Variants in CREB5 observed in about 807,000 individuals in gnomAD.
The protein encoded by CREB5 is cAMP responsive element binding protein 5.
A neutral mutation model predicts 57.1 loss-of-function variants in CREB5; 19 were observed. The observed-to-expected ratio is 0.33, with a 90% CI of 0.23 to 0.49. The LOEUF (loss-of-function observed/expected upper bound fraction) is 0.49. Ranked by LOEUF, CREB5 falls within the 20% of genes least tolerant of loss-of-function variation. The probability of loss-of-function intolerance (pLI) is 0.99; values close to 1 mark genes in which losing one functional copy is unlikely to be tolerated. For synonymous variants in CREB5, 238 were observed against 238.3 expected, an observed-to-expected ratio of 1.00 and a Z score of 0.01; for missense variants, 579 against 671.6, an observed-to-expected ratio of 0.86 and a Z score of 1.52.
chr7:28,465,244 T>C (rs535937622), intron 1 of CREB5, among the ~76,000 whole-genome samples: 90 of 152,294 alleles, frequency 5.9e-4, no homozygotes, highest in African/African-American at 2.0e-3. Flanking sequence ...CCCTCGAGGT[T>C]GCCTCAAACT....
intron 5 of CREB5, among the ~76,000 whole-genome samples, chr7:28,707,730 T>A (rs554129680): frequency 6.6e-6 from 1 of 152,366 alleles, no homozygotes; most frequent in South Asian, 2.1e-4. Context: ...TTACACTATT[T>A]GTTCTTGGGA....
At chr7:28,803,496 C>T (rs777242673) in intron 7 of CREB5, among the ~76,000 whole-genome samples, 1 of 152,170 alleles carries the variant, frequency 6.6e-6, no homozygotes, top group African/African-American at 2.4e-5. Context: ...CGGTGGCTCA[C>T]GCCTGTAATC....
intron 3 of CREB5, among the ~76,000 whole-genome samples, chr7:28,504,501 T>C (rs992288405): frequency 6.6e-6 from 1 of 152,222 alleles, no homozygotes; most frequent in African/African-American, 2.4e-5. Context: ...CCAAGACGAT[T>C]GTTTCAGGCC....
intron 9 of CREB5, among the ~76,000 whole-genome samples, chr7:28,815,063 G>A (rs540125199): frequency 5.3e-5 from 8 of 152,318 alleles, no homozygotes; most frequent in Non-Finnish European, 1.0e-4. Context: ...TTGAGGCCAG[G>A]AGTTCAAGAG....
intron 1 of CREB5, among the ~76,000 whole-genome samples, chr7:28,440,586 C>A (rs1400004779): frequency 6.6e-6 from 1 of 152,124 alleles, no homozygotes; most frequent in African/African-American, 2.4e-5. Context: ...GGTTTACTAG[C>A]TTTAGGACTG....
rs186624785 is a variant in CREB5, at chr7:28,417,375, A to G, written c.3+4458A>G. ...TCTCTTTTTTTTTTTTTGGTACTAA[A>G]TCTTTGAAATCCAGTGTGTATTTCA... On this transcript the variant is annotated intron_variant, in intron 1 of 10. Transcript: ENST00000357727. Among the ~76,000 whole-genome samples, 46 of 150,666 alleles carry G rather than the reference A, an allele frequency of 3.1e-4. 1 individual carries two copies. In the East Asian group the frequency reaches 7.4e-3, roughly 24 times the overall value.
rs1809835375 is a variant in CREB5 at position 28,822,509 on chromosome 7, A to C, written c.*3230A>C. On this transcript the variant is annotated 3_prime_UTR_variant, in exon 11 of 11. Coordinates refer to ENST00000357727, the MANE Select transcript of CREB5 (RefSeq NM_182898.4). ...AATCAATCATCACGGCCTGCAGAGC[A>C]CCTGTCCTAAGGAGGGAAAATCCTG... The C allele has an allele frequency of 6.6e-6, 1 of 152,592 alleles. No individual in the cohort carries two copies. Among genetic ancestry groups the C allele is most frequent in the Non-Finnish European group, 1.5e-5 (1 of 68,078 alleles). The allele number at this position is 152,592 out of a possible 1,614,324, so 9.5% of individuals were successfully genotyped here. A position where few individuals can be genotyped will look rare whatever the true frequency, so the allele number is the denominator to read the frequency against.
intron 7 of CREB5, among the ~76,000 whole-genome samples, chr7:28,790,449 AGAGAGAGAGAGATAG>A: frequency 2.5e-5 from 1 of 40,648 alleles, no homozygotes; most frequent in Admixed American, 2.1e-4. Context: ...AGAGAGAGAG[AGAGAGAGAGAGATAG>A]AGAGAGAGAG....
chr7:28,381,753 A>G (rs1289542384), intron 1 of CREB5, among the ~76,000 whole-genome samples: 1 of 152,218 alleles, frequency 6.6e-6, no homozygotes, highest in African/African-American at 2.4e-5. Context: ...TAAGTACAAA[A>G]TAGAACCATA....
chr7:28,626,200 G>A (rs150844691), intron 5 of CREB5, among the ~76,000 whole-genome samples: 1 of 152,122 alleles, frequency 6.6e-6, no homozygotes, highest in South Asian at 2.1e-4. Flanking sequence ...TTAAAAGATT[G>A]CTTCTTGTCA....
intron 7 of CREB5, among the ~76,000 whole-genome samples, chr7:28,803,425 T>C (rs1439936492): frequency 6.6e-6 from 1 of 152,186 alleles, no homozygotes; most frequent in Non-Finnish European, 1.5e-5. Flanking sequence ...CTGAGAAATA[T>C]TTTGAGAGGC....
intron 1 of CREB5, among the ~76,000 whole-genome samples, chr7:28,424,689 A>T (rs1461595246): frequency 6.6e-6 from 1 of 152,212 alleles, no homozygotes; most frequent in African/African-American, 2.4e-5. Flanking sequence ...GAAAGAATTA[A>T]ATACAACTAT....
chr7:28,747,945 A>G (rs1478240444), intron 7 of CREB5, among the ~76,000 whole-genome samples: 1 of 152,178 alleles, frequency 6.6e-6, no homozygotes, highest in African/African-American at 2.4e-5. Flanking sequence ...AGGCCCTTCT[A>G]GAATCACTGC....
At chr7:28,497,591 A>G (rs1006041146) in intron 3 of CREB5, among the ~76,000 whole-genome samples, 1 of 152,212 alleles carries the variant, frequency 6.6e-6, no homozygotes, top group Non-Finnish European at 1.5e-5. Flanking sequence ...CTAAATTTTA[A>G]AACTTGCTAC....
intron 1 of CREB5, among the ~76,000 whole-genome samples, chr7:28,384,695 A>G (rs1323977619): frequency 6.6e-6 from 1 of 152,098 alleles, no homozygotes; most frequent in Admixed American, 6.6e-5. Flanking sequence ...AAGATAGTAT[A>G]GTTATCATCA....
At chr7:28,804,581 CT>C in intron 8 of CREB5, 59 bp downstream of exon 8, 1 of 1,566,662 alleles carries the variant, frequency 6.4e-7, no homozygotes. Context: ...AGTGCAAGCT[CT>C]AATGCTGGGG....
chr7:28,674,108 C>T (rs1421471309), intron 5 of CREB5, among the ~76,000 whole-genome samples: 1 of 150,352 alleles, frequency 6.7e-6, no homozygotes, highest in African/African-American at 2.5e-5. Context: ...TGGACTCACG[C>T]AGATTTTTTT....
chr7:28,580,839 C>T lies in CREB5; in HGVS notation c.464+10302C>T, dbSNP rs375429753. On this transcript the variant is annotated intron_variant, in intron 5 of 10. Transcript: ENST00000357727. ...CCACAAGTGCTTCAACATGTTTGGA[C>T]GATGTCCTTCTCTTGGTTCATTTCA... 1.1e-4 allele frequency among the ~76,000 whole-genome samples: 17 copies of T among 152,226 alleles called. No homozygotes were observed. The South Asian group carries it at 1.2e-3, about 11-fold the overall frequency.
In CREB5 at chr7:28,560,995, C is replaced by CA. The variant is rs1562798331; in HGVS notation, c.292-9370_292-9369insA. On this transcript the variant is annotated intron_variant, in intron 4 of 10. Transcript: ENST00000357727. ...GTGCGTGTGTGCGTGCGTGTGTGTG[C>CA]CTGCGTGTGCGTGTGTGTGTGCGTG... Among the ~76,000 whole-genome samples, 77 of 27,320 alleles carry CA rather than the reference C, an allele frequency of 2.8e-3. 2 individuals are homozygous for CA. Among genetic ancestry groups the CA allele is most frequent in the Non-Finnish European group, 4.9e-3 (56 of 11,412 alleles). The allele number at this position is 27,320 out of a possible 152,430, so 17.9% of individuals were successfully genotyped here.
Sources: gnomAD v4.1 joint callset for allele counts (sites outside exome capture counted in the v4.1 genomes callset) on GRCh38, gnomAD v4.1.1 for gene constraint, MANE v1.5 for transcripts, NCBI Gene and HGNC (gene_info 2026-07-23, HGNC 2026-07-21) for gene names.